The following NEGR1 variants were observed in gnomAD, a reference collection of about 807,000 sequenced individuals.
NEGR1 encodes neuronal growth regulator 1, also known as IgLON family member 4.
A neutral mutation model predicts 40.9 loss-of-function variants in NEGR1; 10 were observed. The observed-to-expected ratio is 0.24, with a 90% CI of 0.15 to 0.42. The LOEUF is 0.42. Among genes scored for constraint, NEGR1 ranks in the 10% least tolerant of loss-of-function variants. The pLI is 1.00. For synonymous variants in NEGR1, 185 were observed against 166.8 expected (o/e 1.11, Z -0.84); for missense variants, 352 against 438.9 (o/e 0.80, Z 1.77).
intron 1 of NEGR1, among the ~76,000 whole-genome samples, chr1:72,214,999 A>G (rs949103879): frequency 6.6e-6 from 1 of 152,130 alleles, no homozygotes; most frequent in African/African-American, 2.4e-5. Context: ...ACAGCATGGT[A>G]CTCGTACCAA....
At chr1:71,413,842 A>G (rs1646338852) in intron 6 of NEGR1, among the ~76,000 whole-genome samples, 1 of 152,072 alleles carries the variant, frequency 6.6e-6, no homozygotes, top group Non-Finnish European at 1.5e-5. Flanking sequence ...ACCAATTACC[A>G]CATCTGCTGC....
chr1:71,408,139 G>A (rs1646290737), intron 6 of NEGR1, among the ~76,000 whole-genome samples: 2 of 152,008 alleles, frequency 1.3e-5, no homozygotes, highest in Admixed American at 1.3e-4. Context: ...CTGGGTAAGG[G>A]AGATTTCAAA....
At chr1:71,709,641 G>T (rs1455436181) in intron 3 of NEGR1, among the ~76,000 whole-genome samples, 1 of 152,168 alleles carries the variant, frequency 6.6e-6, no homozygotes. Flanking sequence ...AATAAAGGGT[G>T]CTGGCAAAAC....
At chr1:71,959,125 C>T (rs1268872546) in intron 1 of NEGR1, among the ~76,000 whole-genome samples, 3 of 152,124 alleles carry the variant, frequency 2.0e-5, no homozygotes, top group Non-Finnish European at 4.4e-5. Context: ...CAAAAGACAA[C>T]TGATTTTTCC....
chr1:71,818,292 C>G (rs1658302338), intron 2 of NEGR1, among the ~76,000 whole-genome samples: 1 of 151,908 alleles, frequency 6.6e-6, no homozygotes, highest in South Asian at 2.1e-4. Flanking sequence ...CCTGAATGTT[C>G]ATCAACAGTA....
At chr1:72,032,335 G>A (rs1210134695) in intron 1 of NEGR1, among the ~76,000 whole-genome samples, 2 of 152,174 alleles carry the variant, frequency 1.3e-5, no homozygotes, top group Non-Finnish European at 2.9e-5. Flanking sequence ...GAAGAACGTA[G>A]TGCACAGAAT....
intron 1 of NEGR1, among the ~76,000 whole-genome samples, chr1:71,949,721 G>C (rs1426931746): frequency 6.6e-6 from 1 of 151,972 alleles, no homozygotes; most frequent in Non-Finnish European, 1.5e-5. Flanking sequence ...TTCCTCTATG[G>C]TTCAAAAATT....
At chr1:71,601,539 G>A (rs1162057509) in intron 5 of NEGR1, among the ~76,000 whole-genome samples, 1 of 152,170 alleles carries the variant, frequency 6.6e-6, no homozygotes, top group African/African-American at 2.4e-5. Context: ...TCACAATAGC[G>A]AAGTCATGGA....
chr1:71,951,800 T>G (rs905469455), intron 1 of NEGR1, among the ~76,000 whole-genome samples: 1 of 151,932 alleles, frequency 6.6e-6, no homozygotes, highest in Non-Finnish European at 1.5e-5. Context: ...CAACAGCATG[T>G]GCTCACTTCA....
intron 3 of NEGR1, among the ~76,000 whole-genome samples, chr1:71,712,271 C>G (rs1484592661): frequency 6.6e-6 from 1 of 152,184 alleles, no homozygotes; most frequent in Non-Finnish European, 1.5e-5. Flanking sequence ...GGATGTGCAT[C>G]ACATAGAACA....
chr1:71,557,195 G>A (rs1185198105), intron 6 of NEGR1, among the ~76,000 whole-genome samples: 1 of 151,600 alleles, frequency 6.6e-6, no homozygotes, highest in African/African-American at 2.4e-5. Flanking sequence ...AATGCCTTTG[G>A]TTGGTAGAGC....
intron 1 of NEGR1, among the ~76,000 whole-genome samples, chr1:71,979,686 T>C (rs959878374): frequency 1.3e-5 from 2 of 152,096 alleles, no homozygotes; most frequent in African/African-American, 2.4e-5. Flanking sequence ...GATGACTAGT[T>C]ACTCACAAAA....
chr1:72,229,062 T>C (rs529706426), intron 1 of NEGR1, among the ~76,000 whole-genome samples: 1 of 152,194 alleles, frequency 6.6e-6, no homozygotes, highest in South Asian at 2.1e-4. Flanking sequence ...TTCAGTAAAA[T>C]TAAATTCCAA....
chr1:71,437,691 G>A (rs1646518868), intron 6 of NEGR1, among the ~76,000 whole-genome samples: 1 of 152,144 alleles, frequency 6.6e-6, no homozygotes, highest in Non-Finnish European at 1.5e-5. Context: ...GTCAGGTTAA[G>A]CATGAGATCT....
At chr1:72,280,472 G>C (rs1039223479) in intron 1 of NEGR1, among the ~76,000 whole-genome samples, 15 of 152,154 alleles carry the variant, frequency 9.9e-5, no homozygotes, top group Non-Finnish European at 1.9e-4. Context: ...TCTGAAGATA[G>C]TGTCTTGCCC....
At chr1:72,125,721 A>G (rs1485990243) in intron 1 of NEGR1, among the ~76,000 whole-genome samples, 2 of 152,182 alleles carry the variant, frequency 1.3e-5, no homozygotes, top group Non-Finnish European at 1.5e-5. Flanking sequence ...GACTATGTTA[A>G]TTTTGAACAT....
intron 2 of NEGR1, among the ~76,000 whole-genome samples, chr1:71,927,345 T>C (rs933780134): frequency 6.6e-6 from 1 of 152,164 alleles, no homozygotes; most frequent in Non-Finnish European, 1.5e-5. Flanking sequence ...AGTTTTTCTG[T>C]CAAGGTATAT....
intron 6 of NEGR1, among the ~76,000 whole-genome samples, chr1:71,431,071 C>T (rs956804087): frequency 9.0e-4 from 109 of 121,058 alleles, no homozygotes; most frequent in Admixed American, 3.2e-3. Flanking sequence ...TTTTTATGAT[C>T]TTTTTTTTAT....
chr1:71,887,079 G>C (rs537437242), intron 2 of NEGR1, among the ~76,000 whole-genome samples: 21 of 152,094 alleles, frequency 1.4e-4, no homozygotes, highest in Admixed American at 7.2e-4. Context: ...GTATGTTATA[G>C]GTATTATACA....
Sources: allele counts gnomAD v4.1 joint callset (sites outside exome capture counted in the v4.1 genomes callset), GRCh38; gene constraint gnomAD v4.1.1; transcripts MANE v1.5; gene names NCBI Gene and HGNC (gene_info 2026-07-23, HGNC 2026-07-21).